Variants in RPTOR observed in about 807,000 individuals in gnomAD.
RPTOR encodes regulatory associated protein of MTOR complex 1.
In RPTOR, 21 loss-of-function variants were observed where a neutral mutation model predicts 169.9. That is an observed-to-expected ratio of 0.12 (90% CI 0.09 to 0.18). The LOEUF (loss-of-function observed/expected upper bound fraction) is 0.18. RPTOR is among the 10% of genes least tolerant of loss of function. RPTOR has a pLI of 1.00. For missense variants in RPTOR, 1,133 were observed against 1,855.9 expected (o/e 0.61, Z 7.16); for synonymous variants, 732 against 753.2 (o/e 0.97, Z 0.46).
chr17:80,679,729 T>A (rs936016932), intron 3 of RPTOR, among the ~76,000 whole-genome samples: 3 of 152,230 alleles, frequency 2.0e-5, no homozygotes, highest in African/African-American at 7.2e-5. Context: ...AGAATTAATA[T>A]TTATGTATTT....
At chr17:80,595,196 T>C (rs2065136238) in intron 1 of RPTOR, among the ~76,000 whole-genome samples, 1 of 152,228 alleles carries the variant, frequency 6.6e-6, no homozygotes. Flanking sequence ...TGGGTTGATT[T>C]TGGGGTTTCT....
At chr17:80,682,436 G>T (rs2065906327) in intron 3 of RPTOR, among the ~76,000 whole-genome samples, 1 of 152,134 alleles carries the variant, frequency 6.6e-6, no homozygotes, top group East Asian at 1.9e-4. Context: ...AGCTTATCTT[G>T]GATTATTTGA....
chr17:80,744,914 C>T (rs1231037563), intron 5 of RPTOR, among the ~76,000 whole-genome samples: 5 of 150,782 alleles, frequency 3.3e-5, no homozygotes, highest in African/African-American at 9.8e-5. Flanking sequence ...TGGCTACTAG[C>T]ACAGCCCTGG....
intron 1 of RPTOR, among the ~76,000 whole-genome samples, chr17:80,566,862 T>A (rs2064849139): frequency 6.6e-6 from 1 of 150,782 alleles, no homozygotes; most frequent in African/African-American, 2.5e-5. Context: ...AGAATGTATA[T>A]TTTCCTGTAC....
intron 1 of RPTOR, among the ~76,000 whole-genome samples, chr17:80,546,529 AC>A (rs35433059): frequency 0.87 from 132,975 of 152,118 alleles, 59,623 homozygotes; most frequent in East Asian, 1. Context: ...TTCATAAAAC[AC>A]CCATCTATTT....
At chr17:80,772,612 TCTC>T (rs1028271413) in intron 6 of RPTOR, among the ~76,000 whole-genome samples, 65 of 140,300 alleles carry the variant, frequency 4.6e-4, no homozygotes, top group African/African-American at 1.5e-3. Flanking sequence ...CTGCCCCCAT[TCTC>T]CTGCGGCAGC....
intron 25 of RPTOR, among the ~76,000 whole-genome samples, chr17:80,942,200 C>T (rs1273948029): frequency 1.3e-5 from 2 of 151,740 alleles, no homozygotes; most frequent in African/African-American, 4.8e-5. Context: ...TTCTCTAGGA[C>T]CCCAGCCTGC....
chr17:80,709,004 G>A (rs974930600), intron 4 of RPTOR: 23 of 985,476 alleles, frequency 2.3e-5, no homozygotes, highest in Non-Finnish European at 2.7e-5. Context: ...TCCCGGGTTC[G>A]CAGCTAGCAT....
chr17:80,946,472 C>G (rs375093363), intron 26 of RPTOR, among the ~76,000 whole-genome samples: 1 of 152,222 alleles, frequency 6.6e-6, no homozygotes, highest in Admixed American at 6.5e-5. Flanking sequence ...TGGTCCCCAT[C>G]AGACACCAGC....
chr17:80,642,182 G>A (rs35418252), intron 2 of RPTOR, among the ~76,000 whole-genome samples: 27,963 of 151,866 alleles, frequency 0.18, 2,981 homozygotes, highest in East Asian at 0.28. Context: ...TGTCGCCCAG[G>A]CTGGAGTGCA....
chr17:80,924,621 G>A (rs1442350403), intron 23 of RPTOR, among the ~76,000 whole-genome samples: 2 of 151,744 alleles, frequency 1.3e-5, no homozygotes, highest in East Asian at 3.9e-4. Flanking sequence ...GCCAGGCCCT[G>A]GGGAGCAATG....
chr17:80,737,970 C>A (rs940684663), intron 5 of RPTOR, among the ~76,000 whole-genome samples: 4 of 152,166 alleles, frequency 2.6e-5, no homozygotes, highest in Non-Finnish European at 5.9e-5. Context: ...GAACGGCCAT[C>A]CCCAAAGCCC....
At chr17:80,669,989 T>A (rs1410362813) in intron 3 of RPTOR, among the ~76,000 whole-genome samples, 1 of 152,250 alleles carries the variant, frequency 6.6e-6, no homozygotes, top group Non-Finnish European at 1.5e-5. Context: ...TTTAGATTTG[T>A]CTTGTCTGAG....
intron 1 of RPTOR, among the ~76,000 whole-genome samples, chr17:80,585,450 C>A (rs768298970): frequency 6.6e-6 from 1 of 152,138 alleles, no homozygotes; most frequent in East Asian, 1.9e-4. Context: ...ATGATCCATC[C>A]GCCTTAACCT....
At chr17:80,566,699 C>G (rs1003842306) in intron 1 of RPTOR, among the ~76,000 whole-genome samples, 1 of 151,652 alleles carries the variant, frequency 6.6e-6, no homozygotes, top group Non-Finnish European at 1.5e-5. Context: ...TGGCAGGCAC[C>G]TGTAGTCCCA....
At chr17:80,567,306 T>C (rs535554939) in intron 1 of RPTOR, among the ~76,000 whole-genome samples, 1 of 151,194 alleles carries the variant, frequency 6.6e-6, no homozygotes, top group Admixed American at 6.6e-5. Flanking sequence ...TTTTTTTTGG[T>C]GGTGGTTCTA....
intron 9 of RPTOR, among the ~76,000 whole-genome samples, chr17:80,834,019 G>C (rs538168365): frequency 6.6e-6 from 1 of 152,250 alleles, no homozygotes; most frequent in Non-Finnish European, 1.5e-5. Context: ...AGGTTGCCAT[G>C]CGATTTTAGA....
At chr17:80,696,802 G>T (rs1202582027) in intron 3 of RPTOR, among the ~76,000 whole-genome samples, 1 of 152,188 alleles carries the variant, frequency 6.6e-6, no homozygotes, top group Non-Finnish European at 1.5e-5. Context: ...CTCCATGCGG[G>T]GCCCACAGCC....
At chr17:80,763,783 A>C (rs2066758569) in intron 6 of RPTOR, among the ~76,000 whole-genome samples, 1 of 152,248 alleles carries the variant, frequency 6.6e-6, no homozygotes, top group Non-Finnish European at 1.5e-5. Context: ...TGAAGCTAGA[A>C]CTCAGTAACG....
Sources: allele counts gnomAD v4.1 joint callset (sites outside exome capture counted in the v4.1 genomes callset), GRCh38; gene constraint gnomAD v4.1.1; transcripts MANE v1.5; gene names NCBI Gene and HGNC (gene_info 2026-07-23, HGNC 2026-07-21).